The following EML4 variants were observed in gnomAD, a reference collection of about 807,000 sequenced individuals.
The protein encoded by EML4 is EMAP like 4, also known as echinoderm microtubule-associated protein-like 4.
A neutral mutation model predicts 129.0 loss-of-function variants in EML4; 72 were observed. That is an observed-to-expected ratio of 0.56 (90% confidence interval 0.46 to 0.68). EML4 has a LOEUF of 0.68. Among genes scored for constraint, EML4 ranks in the 30% least tolerant of loss-of-function variants. The pLI is 0.00. For synonymous variants in EML4, 532 were observed against 405.0 expected (o/e 1.31, Z -3.77); for missense variants, 1,363 against 1,190.6 (o/e 1.14, Z -2.13).
chr2:42,199,199 G>C (rs1356113435), intron 1 of EML4, among the ~76,000 whole-genome samples: 1 of 152,204 alleles, frequency 6.6e-6, no homozygotes, highest in Non-Finnish European at 1.5e-5. Flanking sequence ...TGAGTTTTAA[G>C]ATTTCAGATG....
At chr2:42,184,391 C>A (rs376597099) in intron 1 of EML4, among the ~76,000 whole-genome samples, 1 of 114,870 alleles carries the variant, frequency 8.7e-6, no homozygotes, top group East Asian at 3.0e-4. Flanking sequence ...CCCCTCCCCC[C>A]ACCCCACAAC....
At chr2:42,313,650 G>A (rs943381074) in intron 17 of EML4, among the ~76,000 whole-genome samples, 1 of 151,996 alleles carries the variant, frequency 6.6e-6, no homozygotes, top group Non-Finnish European at 1.5e-5. Context: ...CTTATTGGCC[G>A]GATACAGTGG....
At chr2:42,316,425 G>C (rs530662822) in intron 18 of EML4, among the ~76,000 whole-genome samples, 1 of 152,186 alleles carries the variant, frequency 6.6e-6, no homozygotes, top group African/African-American at 2.4e-5. Flanking sequence ...AGAAATTACA[G>C]CGAAATTCAA....
intron 1 of EML4, among the ~76,000 whole-genome samples, chr2:42,229,183 T>A (rs556012623): frequency 2.0e-5 from 3 of 152,308 alleles, no homozygotes; most frequent in South Asian, 2.1e-4. Context: ...TAGTAGTAGC[T>A]AACATTTATA....
In EML4 at chr2:42,317,435, T is replaced by C. The variant is rs1292107226; in HGVS notation, c.2065T>C (p.Phe689Leu). The change falls in exon 19 of 23, where the codon TTC (phenylalanine) becomes CTC (leucine). Residue 689 changes from phenylalanine (F) to leucine (L), a missense_variant. By Grantham distance (22) the Phe-to-Leu change is conservative. Transcript: ENST00000318522. Reference protein sequence around the residue: ...SVMRYSIDGTFLAVGSHDNFI... With the variant: ...SVMRYSIDGTLLAVGSHDNFI... ...GACCTATTTTATTCTAGATGGTACC[T>C]TCCTGGCTGTAGGATCTCATGACAA... 5 of 1,608,456 alleles carry C rather than the reference T, an allele frequency of 3.1e-6. No homozygotes were observed. In the South Asian group the frequency reaches 5.5e-5, roughly 18 times the overall value.
intron 11 of EML4, chr2:42,289,366 G>C (rs1667491156): frequency 6.6e-6 from 1 of 152,150 alleles, no homozygotes; most frequent in Non-Finnish European, 1.5e-5. Context: ...GTGTTCTTCA[G>C]AGTTTTATTC....
intron 1 of EML4, among the ~76,000 whole-genome samples, chr2:42,176,069 G>T (rs1157242433): frequency 1.4e-5 from 2 of 147,860 alleles, no homozygotes; most frequent in Non-Finnish European, 3.0e-5. Flanking sequence ...CTCCAATACT[G>T]ACTCTTTATA....
At chr2:42,185,099 A>G (rs1364828239) in intron 1 of EML4, among the ~76,000 whole-genome samples, 4 of 152,104 alleles carry the variant, frequency 2.6e-5, no homozygotes, top group African/African-American at 9.7e-5. Context: ...ACCTGAGCAT[A>G]TATTGATTTT....
At chr2:42,273,286 G>A (rs939391946) in intron 6 of EML4, among the ~76,000 whole-genome samples, 4 of 152,074 alleles carry the variant, frequency 2.6e-5, no homozygotes, top group Non-Finnish European at 5.9e-5. Flanking sequence ...AGTTTTATGT[G>A]TCTCATATTG....
intron 1 of EML4, among the ~76,000 whole-genome samples, chr2:42,191,510 T>C (rs1055327235): frequency 2.0e-5 from 3 of 152,070 alleles, no homozygotes; most frequent in Non-Finnish European, 4.4e-5. Flanking sequence ...AAGATAAGAG[T>C]TCTCATTTAG....
chr2:42,194,811 G>A (rs1364604854), intron 1 of EML4, among the ~76,000 whole-genome samples: 1 of 151,992 alleles, frequency 6.6e-6, no homozygotes, highest in East Asian at 1.9e-4. Flanking sequence ...GCTTGGCCAG[G>A]ATCTTTAATC....
intron 8 of EML4, 88 bp downstream of exon 8, chr2:42,283,060 C>A: frequency 8.3e-7 from 1 of 1,211,728 alleles, no homozygotes; most frequent in Non-Finnish European, 1.2e-6. Context: ...AAAGTGATTT[C>A]TTGTGGAAAG....
intron 18 of EML4, among the ~76,000 whole-genome samples, chr2:42,316,746 G>T (rs1669265414): frequency 6.6e-6 from 1 of 152,196 alleles, no homozygotes; most frequent in South Asian, 2.1e-4. Context: ...AGGATCCAGA[G>T]AATCTTTTTG....
chr2:42,303,340 T>C lies in EML4; in HGVS notation c.1793T>C (p.Leu598Pro). 6.2e-7 allele frequency: 1 copy of C among 1,614,180 alleles called. No homozygotes were observed. The highest frequency in any genetic ancestry group is 8.5e-7 in the Non-Finnish European group (1 of 1,180,020). ...GGTCATACAGATGAGCTTTGGGGTC[T>C]TGCCACACATCCCTTCAAAGATTTG... The part of the protein sequence containing the change: ...VQGHTDELWG[L>P]ATHPFKDLLL... The change falls in exon 16 of 23, where the codon CTT (leucine) becomes CCT (proline). Residue 598 changes from leucine to proline, a missense_variant. Transcript: ENST00000318522.
At chr2:42,190,547 G>T (rs1262784202) in intron 1 of EML4, among the ~76,000 whole-genome samples, 1 of 152,168 alleles carries the variant, frequency 6.6e-6, no homozygotes, top group East Asian at 1.9e-4. Flanking sequence ...GAGCTATACA[G>T]TGAATGATGG....
intron 1 of EML4, among the ~76,000 whole-genome samples, chr2:42,181,549 G>C (rs184895149): frequency 9.7e-4 from 148 of 152,220 alleles, no homozygotes; most frequent in African/African-American, 2.5e-3. Flanking sequence ...ACCTACCTCA[G>C]CCTCCCAAAG....
chr2:42,226,518 G>T (rs1463980554), intron 1 of EML4, among the ~76,000 whole-genome samples: 3 of 150,966 alleles, frequency 2.0e-5, no homozygotes, highest in South Asian at 2.1e-4. Flanking sequence ...TTAGTTGGGC[G>T]TGATGGTGCA....
chr2:42,221,995 C>T (rs2104115639), intron 1 of EML4, among the ~76,000 whole-genome samples: 1 of 152,058 alleles, frequency 6.6e-6, no homozygotes, highest in East Asian at 1.9e-4. Flanking sequence ...CTGGTCCCAA[C>T]GTGCTGGGAT....
intron 1 of EML4, among the ~76,000 whole-genome samples, chr2:42,235,799 T>C (rs1287558539): frequency 2.6e-5 from 4 of 152,172 alleles, no homozygotes; most frequent in African/African-American, 9.7e-5. Flanking sequence ...GACCATCTAG[T>C]ATAGTTGTTT....
Sources: allele counts gnomAD v4.1 joint callset (sites outside exome capture counted in the v4.1 genomes callset), GRCh38; gene constraint gnomAD v4.1.1; transcripts MANE v1.5; gene names NCBI Gene and HGNC (gene_info 2026-07-23, HGNC 2026-07-21).